Variants in NF1 observed in about 807,000 individuals in gnomAD.
NF1 encodes the protein neurofibromin 1, also known as neurofibromin.
In NF1, 122 loss-of-function variants were observed where a neutral mutation model predicts 325.7. The ratio of observed to expected loss-of-function variants is 0.37; its 90% CI spans 0.32 to 0.44. NF1 has a LOEUF of 0.44. NF1 is among the 20% of genes least tolerant of loss of function. The pLI, the probability that NF1 is intolerant of heterozygous loss-of-function variation, is 1.00. For missense variants in NF1, 2,140 were observed against 3,415.4 expected (o/e 0.63, Z 9.31); for synonymous variants, 1,091 against 1,186.0 (o/e 0.92, Z 1.65).
chr17:31,122,479 C>T (rs1267722992), intron 1 of NF1, among the ~76,000 whole-genome samples: 1 of 152,120 alleles, frequency 6.6e-6, no homozygotes, highest in African/African-American at 2.4e-5. Flanking sequence ...ACCCTTCTTC[C>T]CACCCCCACA....
At position 31,100,376 on chromosome 17, in the gene NF1, C is replaced by T. The variant is rs542819927; in HGVS notation, c.60+5007C>T. Among the ~76,000 whole-genome samples the T allele has an allele frequency of 2.6e-5, 4 of 152,154 alleles. No homozygotes were observed. In the South Asian group the frequency reaches 6.2e-4, roughly 24 times the overall value. ...TATCTCCTAGCCTCATTCTTCAAGCCTGGTGTGTAATTTTTATAAGGCCTT... is the reference window on the plus strand; with the variant it reads ...TATCTCCTAGCCTCATTCTTCAAGCTTGGTGTGTAATTTTTATAAGGCCTT... On this transcript the variant is annotated intron_variant, in intron 1 of 57. Coordinates refer to ENST00000358273, the MANE Select transcript of NF1 (RefSeq NM_001042492.3).
chr17:31,183,094 T>C lies in NF1; in HGVS notation c.888+429T>C, dbSNP rs2066167760. The C allele has an allele frequency of 2.6e-5, 10 of 377,558 alleles. No individual in the cohort carries two copies. The South Asian group carries it at 9.4e-4, about 36-fold the overall frequency. The allele number at this position is 377,558 out of a possible 1,614,324, so 23.4% of individuals were successfully genotyped here. A position where few individuals can be genotyped will look rare whatever the true frequency, so the allele number is the denominator to read the frequency against. ...ACTCATTTTAAGTATTTTAGAACAG[T>C]TTTCAAAGAATTTTGCCAGGAAGGT... On this transcript the variant is annotated intron_variant, in intron 8 of 57. Transcript: ENST00000358273.
chr17:31,233,949 C>G (rs758773984), intron 27 of NF1, among the ~76,000 whole-genome samples: 3 of 152,190 alleles, frequency 2.0e-5, no homozygotes, highest in Non-Finnish European at 4.4e-5. Context: ...TGGGCCCTAC[C>G]TCATCTCTAA....
At chr17:31,284,332 G>A (rs2068182129) in intron 36 of NF1, among the ~76,000 whole-genome samples, 1 of 151,978 alleles carries the variant, frequency 6.6e-6, no homozygotes, top group Admixed American at 6.6e-5. Context: ...ACCCAGCCTG[G>A]AGTGCAATGG....
At chr17:31,178,506 A>C (rs1039825012) in intron 5 of NF1, among the ~76,000 whole-genome samples, 2 of 152,206 alleles carry the variant, frequency 1.3e-5, no homozygotes, top group Admixed American at 6.5e-5. Context: ...AAATTCACAC[A>C]TAACACTATT....
At chr17:31,334,519 T>C in intron 39 of NF1, 1 of 336,388 alleles carries the variant, frequency 3.0e-6, no homozygotes, top group Non-Finnish European at 5.6e-6. Context: ...GATGCTTTCC[T>C]TTTACCAAAC....
rs181025878 is a variant in NF1 at position 31,155,410 on chromosome 17, T to C, written c.61-573T>C. ...CTTCAATTGTGTAGCTGAGGGTGCT[T>C]ATCTTACTGAGTGAGTCTTACTGTT... On this transcript the variant is annotated intron_variant, in intron 1 of 57. Transcript: ENST00000358273. Among the ~76,000 whole-genome samples the C allele has an allele frequency of 2.1e-4, 32 of 152,300 alleles. No individual in the cohort carries two copies. The East Asian group carries it at 5.8e-3, about 28-fold the overall frequency.
chr17:31,346,020 G>C, intron 48 of NF1: 1 of 1,612,766 alleles, frequency 6.2e-7, no homozygotes, highest in Non-Finnish European at 8.5e-7. Flanking sequence ...CGAAGCAGTT[G>C]CTGCCAGGCT....
At chr17:31,247,242 A>G (rs2151449388) in intron 29 of NF1, among the ~76,000 whole-genome samples, 1 of 151,878 alleles carries the variant, frequency 6.6e-6, no homozygotes, top group East Asian at 1.9e-4. Flanking sequence ...GGAATAATGA[A>G]GTAGAGCAGG....
chr17:31,179,030 A>C (rs1471477772), intron 5 of NF1, among the ~76,000 whole-genome samples: 1 of 152,238 alleles, frequency 6.6e-6, no homozygotes. Context: ...AGACATCTGC[A>C]GAACTCTCCA....
intron 36 of NF1, among the ~76,000 whole-genome samples, chr17:31,298,470 A>G (rs1390835307): frequency 1.3e-5 from 2 of 152,128 alleles, no homozygotes; most frequent in Non-Finnish European, 2.9e-5. Context: ...TTATATTAGC[A>G]TTATTTAGAT....
At chr17:31,234,743 ATGACTT>A (rs1469259603) in intron 27 of NF1, among the ~76,000 whole-genome samples, 1 of 151,370 alleles carries the variant, frequency 6.6e-6, no homozygotes, top group Non-Finnish European at 1.5e-5. Context: ...TTTATATTAA[ATGACTT>A]TGAGAAGGAA....
At chr17:31,180,348 AATAAT>A (rs560418241) in intron 5 of NF1, among the ~76,000 whole-genome samples, 85 of 152,376 alleles carry the variant, frequency 5.6e-4, no homozygotes, top group African/African-American at 1.9e-3. Context: ...TCCTCAATAA[AATAAT>A]GGCAAACTGA....
intron 1 of NF1, among the ~76,000 whole-genome samples, chr17:31,124,264 C>T (rs113761393): frequency 0.018 from 2,725 of 151,746 alleles, 84 homozygotes; most frequent in African/African-American, 0.063. Context: ...AGGGCCTTGC[C>T]TTGTTGCCTA....
chr17:31,235,879 G>A (rs373884052), intron 28 of NF1, 39 bp from the exon 29 acceptor site: 155 of 1,607,394 alleles, frequency 9.6e-5, no homozygotes, highest in Middle Eastern at 3.3e-4. Context: ...AAAATATATG[G>A]AGCAGGTATA....
intron 8 of NF1, among the ~76,000 whole-genome samples, chr17:31,195,024 G>T (rs1200268533): frequency 1.3e-5 from 2 of 151,980 alleles, no homozygotes; most frequent in Non-Finnish European, 2.9e-5. Flanking sequence ...CTTTTCTATG[G>T]CCCGGAATAA....
intron 36 of NF1, among the ~76,000 whole-genome samples, chr17:31,283,155 C>T (rs1374753896): frequency 3.3e-5 from 5 of 152,270 alleles, no homozygotes; most frequent in South Asian, 2.1e-4. Context: ...CAGTGGATCA[C>T]GCCTGTAATC....
chr17:31,242,630 G>C (rs1169593218), intron 29 of NF1, among the ~76,000 whole-genome samples: 3 of 151,982 alleles, frequency 2.0e-5, no homozygotes, highest in African/African-American at 7.3e-5. Flanking sequence ...ATTTCTCTCT[G>C]GTTCTTTGTA....
intron 1 of NF1, among the ~76,000 whole-genome samples, chr17:31,125,143 C>A (rs997831294): frequency 6.6e-6 from 1 of 152,034 alleles, no homozygotes; most frequent in Non-Finnish European, 1.5e-5. Context: ...CTTTATGTCT[C>A]CATGAACAAT....
Sources: gnomAD v4.1 joint callset for allele counts (sites outside exome capture counted in the v4.1 genomes callset) on GRCh38, gnomAD v4.1.1 for gene constraint, MANE v1.5 for transcripts, NCBI Gene and HGNC (gene_info 2026-07-23, HGNC 2026-07-21) for gene names.